Variants in FRAS1 observed in about 807,000 individuals in gnomAD.
FRAS1 encodes extracellular matrix organizing protein FRAS1.
Under a neutral mutation model 435.2 loss-of-function variants are expected in FRAS1, and 290 were observed. That is an observed-to-expected ratio of 0.67 (90% CI 0.61 to 0.73). The LOEUF is 0.73. Ranked by LOEUF, FRAS1 falls within the 30% of genes least tolerant of loss-of-function variation. FRAS1 has a pLI of 0.00. For synonymous variants in FRAS1, 1,800 were observed against 1,851.0 expected (o/e 0.97, Z 0.71); for missense variants, 4,860 against 5,001.5 (o/e 0.97, Z 0.85).
chr4:78,390,150 A>G (rs1012010821), intron 29 of FRAS1, among the ~76,000 whole-genome samples: 2 of 152,240 alleles, frequency 1.3e-5, no homozygotes, highest in South Asian at 4.1e-4. Flanking sequence ...AATTCAAAAT[A>G]TTTTTTCCTT....
At chr4:78,253,620 A>G (rs970470600) in intron 5 of FRAS1, among the ~76,000 whole-genome samples, 2 of 152,142 alleles carry the variant, frequency 1.3e-5, no homozygotes, top group Admixed American at 6.5e-5. Flanking sequence ...GTGTGGCTCA[A>G]AGATTTCCTA....
At chr4:78,507,063 C>T (rs1346806954) in intron 61 of FRAS1, among the ~76,000 whole-genome samples, 1 of 152,034 alleles carries the variant, frequency 6.6e-6, no homozygotes, top group Non-Finnish European at 1.5e-5. Flanking sequence ...GGAGCTCATG[C>T]AAAATGTAAG....
At chr4:78,529,692 C>T (rs1721653489) in intron 70 of FRAS1, among the ~76,000 whole-genome samples, 1 of 152,100 alleles carries the variant, frequency 6.6e-6, no homozygotes, top group Non-Finnish European at 1.5e-5. Context: ...AATGTTTTTT[C>T]AATCTGCCAA....
intron 13 of FRAS1, among the ~76,000 whole-genome samples, chr4:78,285,002 C>T (rs948124901): frequency 2.0e-5 from 3 of 152,062 alleles, no homozygotes; most frequent in Non-Finnish European, 2.9e-5. Flanking sequence ...GAGAAATTAA[C>T]CAACTTGCTC....
intron 61 of FRAS1, among the ~76,000 whole-genome samples, chr4:78,506,539 G>T (rs1720850156): frequency 6.6e-6 from 1 of 151,478 alleles, no homozygotes; most frequent in African/African-American, 2.4e-5. Flanking sequence ...AGCTCCATGG[G>T]TATGGAACCC....
At chr4:78,082,945 G>C (rs961497194) in intron 2 of FRAS1, among the ~76,000 whole-genome samples, 1 of 152,096 alleles carries the variant, frequency 6.6e-6, no homozygotes, top group Admixed American at 6.6e-5. Flanking sequence ...GTGACCCTGA[G>C]ATGTTAATAT....
chr4:78,486,263 G>A (rs899235794), intron 58 of FRAS1, among the ~76,000 whole-genome samples: 9 of 152,202 alleles, frequency 5.9e-5, no homozygotes, highest in African/African-American at 2.2e-4. Context: ...AAGAAGATTA[G>A]CGAGGTAACA....
intron 2 of FRAS1, among the ~76,000 whole-genome samples, chr4:78,077,671 C>T (rs1740709950): frequency 6.6e-6 from 1 of 152,060 alleles, no homozygotes; most frequent in South Asian, 2.1e-4. Flanking sequence ...TTAGCTCCCA[C>T]TTATAAATGA....
intron 2 of FRAS1, among the ~76,000 whole-genome samples, chr4:78,221,921 G>A (rs887281340): frequency 6.6e-6 from 1 of 152,194 alleles, no homozygotes; most frequent in African/African-American, 2.4e-5. Context: ...TGTTCACTCT[G>A]TCTTTAATGG....
intron 61 of FRAS1, among the ~76,000 whole-genome samples, chr4:78,505,013 G>T (rs2109878910): frequency 6.6e-6 from 1 of 152,290 alleles, no homozygotes. Context: ...TGAAATTCTG[G>T]TTTGAAAAAT....
intron 9 of FRAS1, among the ~76,000 whole-genome samples, chr4:78,268,031 T>G (rs1304956845): frequency 6.6e-6 from 1 of 152,236 alleles, no homozygotes; most frequent in African/African-American, 2.4e-5. Context: ...GGACTATAGA[T>G]GTACTGTATG....
chr4:78,254,034 T>C (rs985550900), intron 5 of FRAS1, among the ~76,000 whole-genome samples: 2 of 123,000 alleles, frequency 1.6e-5, no homozygotes, highest in Non-Finnish European at 3.6e-5. Flanking sequence ...GCTCCCCATG[T>C]AGGTGTCACT....
intron 69 of FRAS1, among the ~76,000 whole-genome samples, chr4:78,523,546 T>C (rs1418735976): frequency 6.6e-6 from 1 of 152,228 alleles, no homozygotes; most frequent in Admixed American, 6.5e-5. Flanking sequence ...GAATCTGTCA[T>C]AAATATATGA....
chr4:78,251,905 T>C (rs1223324117), intron 4 of FRAS1, among the ~76,000 whole-genome samples: 1 of 148,906 alleles, frequency 6.7e-6, no homozygotes, highest in Non-Finnish European at 1.5e-5. Flanking sequence ...GGCCATGAGA[T>C]CACTGGAACA....
rs761395520 is a variant in FRAS1, at chr4:78,374,225, C to G, written c.3125C>G (p.Ala1042Gly). The change falls in exon 25 of 74, where the codon GCA becomes GGA. Residue 1042 changes from alanine to glycine, a missense_variant. Physicochemically the swap from Ala to Gly is moderately conservative, Grantham distance 60 (BLOSUM62 0). Coordinates refer to ENST00000512123, the MANE Select transcript of FRAS1 (RefSeq NM_025074.7). Reference sequence around the variant, plus strand: ...CAGGAATGTGGGAAGGGGTACTTTGCAGATCATGCAAAGCACAAATGCACA... The same window carrying G: ...CAGGAATGTGGGAAGGGGTACTTTGGAGATCATGCAAAGCACAAATGCACA... Reference protein sequence around the residue: ...CVQECGKGYFADHAKHKCTAC... With the variant: ...CVQECGKGYFGDHAKHKCTAC... 10 of 1,599,598 alleles carry G rather than the reference C, an allele frequency of 6.3e-6. 1 individual carries two copies. In the South Asian group the frequency reaches 1.1e-4, roughly 18 times the overall value.
Position 78,255,395 on chromosome 4 carries a change from C to A in FRAS1, c.603+20C>A. The A allele has an allele frequency of 6.3e-7, 1 of 1,577,584 alleles. No individual in the cohort carries two copies. On this transcript the variant is annotated intron_variant, in intron 6 of 73. Coordinates refer to ENST00000512123, the MANE Select transcript of FRAS1 (RefSeq NM_025074.7). ...AACCAGGTAAGGAAGACAACCTCAG[C>A]ATGCAGCCTTCACGGGCTATTGAAG...
chr4:78,261,188 CTT>C (rs1726083717), intron 6 of FRAS1, among the ~76,000 whole-genome samples: 1 of 151,908 alleles, frequency 6.6e-6, no homozygotes, highest in South Asian at 2.1e-4. Flanking sequence ...TTAATTAAGT[CTT>C]TTTTATTTCT....
intron 13 of FRAS1, 145 bp from the exon 14 acceptor site, chr4:78,286,260 T>A: frequency 1.2e-6 from 1 of 861,614 alleles, no homozygotes; most frequent in Non-Finnish European, 2.0e-6. Context: ...GCTATACAGA[T>A]GATGGCTGTT....
At chr4:78,190,315 A>AC (rs1471184007) in intron 2 of FRAS1, among the ~76,000 whole-genome samples, 1 of 151,654 alleles carries the variant, frequency 6.6e-6, no homozygotes, top group African/African-American at 2.4e-5. Context: ...TCCCTCAGAA[A>AC]CCCCACATGA....
Sources: allele counts gnomAD v4.1 joint callset (sites outside exome capture counted in the v4.1 genomes callset), GRCh38; gene constraint gnomAD v4.1.1; transcripts MANE v1.5; gene names NCBI Gene and HGNC (gene_info 2026-07-23, HGNC 2026-07-21).